Variants in PRKG1 observed in about 807,000 individuals in gnomAD.
The protein encoded by PRKG1 is protein kinase cGMP-dependent 1, also known as cGMP-dependent protein kinase 1.
Under a neutral mutation model 88.1 loss-of-function variants are expected in PRKG1, and 35 were observed. The ratio of observed to expected loss-of-function variants is 0.40; its 90% CI spans 0.30 to 0.53. PRKG1 has a LOEUF of 0.53. Ranked by LOEUF, PRKG1 falls within the 20% of genes least tolerant of loss-of-function variation. The pLI is 0.59. For synonymous variants in PRKG1, 303 were observed against 292.5 expected, an observed-to-expected ratio of 1.04 and a Z score of -0.37; for missense variants, 540 against 839.8, an observed-to-expected ratio of 0.64 and a Z score of 4.41.
chr10:52,263,996 C>G (rs1440448318), intron 10 of PRKG1, among the ~76,000 whole-genome samples: 1 of 151,866 alleles, frequency 6.6e-6, no homozygotes, highest in African/African-American at 2.4e-5. Context: ...ATCTAAATAC[C>G]CAGTTATTTA....
chr10:51,007,605 A>G (rs1320559001), intron 1 of PRKG1, among the ~76,000 whole-genome samples: 1 of 152,168 alleles, frequency 6.6e-6, no homozygotes, highest in South Asian at 2.1e-4. Context: ...CAAGTTTCTG[A>G]TATCTTAGTC....
At chr10:51,989,915 T>A (rs1445378711) in intron 5 of PRKG1, among the ~76,000 whole-genome samples, 2 of 152,204 alleles carry the variant, frequency 1.3e-5, no homozygotes, top group South Asian at 4.1e-4. Context: ...CTCTTAAGTT[T>A]TCTTATAATA....
At chr10:51,630,728 ATGTTGCTAGCCGAAAGAGGAACG>A (rs1291895490) in intron 3 of PRKG1, among the ~76,000 whole-genome samples, 1 of 152,168 alleles carries the variant, frequency 6.6e-6, no homozygotes, top group Non-Finnish European at 1.5e-5. Context: ...TCGTCTAGTT[ATGTTGCTAGCCGAAAGAGGAACG>A]TGTGCTATCT....
chr10:51,767,520 G>A (rs1018446859), intron 3 of PRKG1, among the ~76,000 whole-genome samples: 19 of 152,120 alleles, frequency 1.2e-4, no homozygotes, highest in African/African-American at 4.6e-4. Flanking sequence ...TACATATGCT[G>A]GGGGAAAAGG....
rs1001981898 is a variant in PRKG1 at position 52,049,361 on chromosome 10, A to T, written c.763-5123A>T. On this transcript the variant is annotated intron_variant, in intron 5 of 17. Coordinates refer to ENST00000373980, the MANE Select transcript of PRKG1 (RefSeq NM_006258.4). ...GCATGGCACATGCAAGTCACAGAAA[A>T]AAAGCCAGCAAGTCTGAAACAGAAT... Among the ~76,000 whole-genome samples the T allele has an allele frequency of 9.9e-5, 15 of 152,272 alleles. No individual in the cohort carries two copies. The South Asian group carries it at 2.3e-3, about 23-fold the overall frequency.
At chr10:52,233,816 C>T (rs1330438599) in intron 9 of PRKG1, among the ~76,000 whole-genome samples, 1 of 152,086 alleles carries the variant, frequency 6.6e-6, no homozygotes, top group East Asian at 1.9e-4. Flanking sequence ...CCCACCACAG[C>T]TCCAGGAGGC....
chr10:52,143,680 G>C (rs1837647473), intron 8 of PRKG1, among the ~76,000 whole-genome samples: 1 of 152,158 alleles, frequency 6.6e-6, no homozygotes, highest in Non-Finnish European at 1.5e-5. Flanking sequence ...AGACACAAGA[G>C]AAACCTCAAG....
chr10:51,248,514 G>A (rs987364957), intron 2 of PRKG1, among the ~76,000 whole-genome samples: 5 of 151,670 alleles, frequency 3.3e-5, no homozygotes, highest in Admixed American at 6.6e-5. Context: ...TGCAGTTGTC[G>A]AAAAGTCAGC....
chr10:50,999,855 A>G (rs1287655579), intron 1 of PRKG1, among the ~76,000 whole-genome samples: 2 of 152,178 alleles, frequency 1.3e-5, no homozygotes, highest in African/African-American at 2.4e-5. Flanking sequence ...CAGGTTGTAA[A>G]CCCTTGGGTA....
At chr10:51,265,183 G>A (rs1412858318) in intron 2 of PRKG1, among the ~76,000 whole-genome samples, 1 of 152,022 alleles carries the variant, frequency 6.6e-6, no homozygotes, top group Non-Finnish European at 1.5e-5. Flanking sequence ...ATTTTTTAAG[G>A]TAAAACACTT....
intron 3 of PRKG1, among the ~76,000 whole-genome samples, chr10:51,548,378 C>T (rs966967670): frequency 5.9e-5 from 9 of 152,066 alleles, no homozygotes; most frequent in Admixed American, 4.6e-4. Context: ...TAAACATTAT[C>T]TTCTGTGTTA....
At chr10:51,229,920 C>T (rs1038431600) in intron 2 of PRKG1, among the ~76,000 whole-genome samples, 1 of 83,324 alleles carries the variant, frequency 1.2e-5, no homozygotes, top group Non-Finnish European at 2.0e-5. Context: ...CAGGGTGAGG[C>T]GATCTCAAAA....
At chr10:51,263,728 TA>T (rs1307628007) in intron 2 of PRKG1, among the ~76,000 whole-genome samples, 17 of 152,228 alleles carry the variant, frequency 1.1e-4, no homozygotes, top group African/African-American at 4.8e-5. Flanking sequence ...AAAGGAGTGA[TA>T]TTTTTTAAAT....
At chr10:52,247,828 G>T (rs565586684) in intron 9 of PRKG1, among the ~76,000 whole-genome samples, 1 of 152,090 alleles carries the variant, frequency 6.6e-6, no homozygotes, top group South Asian at 2.1e-4. Flanking sequence ...CTAACCCAGC[G>T]GTGCTAGAGG....
chr10:51,532,254 C>T (rs1405980569), intron 3 of PRKG1, among the ~76,000 whole-genome samples: 1 of 152,148 alleles, frequency 6.6e-6, no homozygotes. Flanking sequence ...TTATAAAGTG[C>T]TAACAAGGCT....
chr10:52,031,591 C>G (rs1845475846), intron 5 of PRKG1, among the ~76,000 whole-genome samples: 1 of 151,942 alleles, frequency 6.6e-6, no homozygotes, highest in Non-Finnish European at 1.5e-5. Flanking sequence ...TAAAATAGTG[C>G]AAAACAAGCA....
At chr10:52,117,830 T>C (rs577187481) in intron 7 of PRKG1, among the ~76,000 whole-genome samples, 1 of 152,080 alleles carries the variant, frequency 6.6e-6, no homozygotes. Flanking sequence ...TTTACAAAAA[T>C]GATAAAATAC....
At chr10:51,049,054 A>G (rs887843333) in intron 1 of PRKG1, among the ~76,000 whole-genome samples, 1 of 152,058 alleles carries the variant, frequency 6.6e-6, no homozygotes, top group Non-Finnish European at 1.5e-5. Flanking sequence ...GGCTCTGTGT[A>G]GATGCATGCT....
intron 2 of PRKG1, among the ~76,000 whole-genome samples, chr10:51,437,082 G>A (rs1045719831): frequency 6.6e-5 from 10 of 151,834 alleles, no homozygotes; most frequent in Non-Finnish European, 1.2e-4. Flanking sequence ...TAGCCAACCC[G>A]ATTGCTTGAA....
Sources: gnomAD v4.1 joint callset for allele counts (sites outside exome capture counted in the v4.1 genomes callset) on GRCh38, gnomAD v4.1.1 for gene constraint, MANE v1.5 for transcripts, NCBI Gene and HGNC (gene_info 2026-07-23, HGNC 2026-07-21) for gene names.